GALNTL6: variants seen among roughly 807,000 people sequenced by gnomAD.
The protein encoded by GALNTL6 is polypeptide N-acetylgalactosaminyltransferase-like 6.
Under a neutral mutation model 73.7 loss-of-function variants are expected in GALNTL6, and 46 were observed. The ratio of observed to expected loss-of-function variants is 0.62; its 90% CI spans 0.49 to 0.80. The LOEUF (loss-of-function observed/expected upper bound fraction) is 0.80. Ranked by LOEUF, GALNTL6 falls within the 30% of genes least tolerant of loss-of-function variation. The pLI is 0.00. For missense variants in GALNTL6, 604 were observed against 755.0 expected, an observed-to-expected ratio of 0.80 and a Z score of 2.34; for synonymous variants, 259 against 263.7, an observed-to-expected ratio of 0.98 and a Z score of 0.17.
intron 5 of GALNTL6, among the ~76,000 whole-genome samples, chr4:172,801,389 T>A (rs941905659): frequency 6.6e-6 from 1 of 152,220 alleles, no homozygotes; most frequent in Non-Finnish European, 1.5e-5. Flanking sequence ...CTTTTAACTA[T>A]AGCTCTCTCT....
At chr4:172,636,586 A>T (rs1000949847) in intron 5 of GALNTL6, among the ~76,000 whole-genome samples, 2 of 152,178 alleles carry the variant, frequency 1.3e-5, no homozygotes, top group African/African-American at 4.8e-5. Context: ...GACAAGAAAC[A>T]CAGGCAGCCT....
At chr4:172,680,374 A>G (rs1358818220) in intron 5 of GALNTL6, among the ~76,000 whole-genome samples, 1 of 152,052 alleles carries the variant, frequency 6.6e-6, no homozygotes, top group Non-Finnish European at 1.5e-5. Flanking sequence ...AGGAATAATA[A>G]TAATGGAAAA....
chr4:171,930,115 T>C (rs1578982083), intron 2 of GALNTL6, among the ~76,000 whole-genome samples: 1 of 152,302 alleles, frequency 6.6e-6, no homozygotes, highest in East Asian at 1.9e-4. Flanking sequence ...TACCACCACA[T>C]ACCTGCACCC....
chr4:171,990,608 AC>A (rs767690653), intron 2 of GALNTL6, among the ~76,000 whole-genome samples: 6 of 152,346 alleles, frequency 3.9e-5, no homozygotes, highest in Middle Eastern at 3.4e-3. Context: ...TAATAAAAAA[AC>A]ATTTTTAAAG....
chr4:172,266,554 C>T lies in GALNTL6; in HGVS notation c.247+36790C>T, dbSNP rs141715913. 4.0e-3 allele frequency among the ~76,000 whole-genome samples: 607 copies of T among 152,134 alleles called. 3 individuals carry two copies. Among genetic ancestry groups the T allele is most frequent in the African/African-American group, 0.014 (574 of 41,532 alleles). On this transcript the variant is annotated intron_variant, in intron 3 of 12. Transcript: ENST00000506823. ...TAACTTATGTAAAATAACTATAAAA[C>T]ATTGTAGCTATAAAACATTTATTAA...
intron 5 of GALNTL6, among the ~76,000 whole-genome samples, chr4:172,468,199 C>G (rs1470189388): frequency 6.6e-6 from 1 of 152,118 alleles, no homozygotes; most frequent in African/African-American, 2.4e-5. Flanking sequence ...GCCTACATTT[C>G]CCAATACTGT....
chr4:172,747,374 A>G (rs1737169414), intron 5 of GALNTL6, among the ~76,000 whole-genome samples: 1 of 152,046 alleles, frequency 6.6e-6, no homozygotes, highest in East Asian at 1.9e-4. Flanking sequence ...GACAGTTCCC[A>G]AAAGAAGACA....
intron 2 of GALNTL6, among the ~76,000 whole-genome samples, chr4:172,038,734 C>A (rs1429720050): frequency 6.6e-6 from 1 of 152,086 alleles, no homozygotes; most frequent in Non-Finnish European, 1.5e-5. Flanking sequence ...CCTTGTCTCC[C>A]AGTTATGAAT....
intron 10 of GALNTL6, among the ~76,000 whole-genome samples, chr4:172,981,614 T>A (rs1751065044): frequency 6.6e-6 from 1 of 152,196 alleles, no homozygotes; most frequent in African/African-American, 2.4e-5. Flanking sequence ...ATAGTAAGCT[T>A]AGAAATCATG....
intron 2 of GALNTL6, among the ~76,000 whole-genome samples, chr4:172,202,870 G>T (rs1402991065): frequency 2.0e-5 from 3 of 151,952 alleles, no homozygotes; most frequent in Non-Finnish European, 4.4e-5. Flanking sequence ...ATTTAAATAA[G>T]GCTAATTGAA....
intron 5 of GALNTL6, among the ~76,000 whole-genome samples, chr4:172,546,488 A>T (rs1253775299): frequency 4.7e-5 from 2 of 42,792 alleles, no homozygotes; most frequent in Non-Finnish European, 9.4e-5. Flanking sequence ...AAATAAATAC[A>T]CAAGTTTAAA....
chr4:172,950,331 C>T (rs770878643), intron 9 of GALNTL6, among the ~76,000 whole-genome samples: 46 of 152,328 alleles, frequency 3.0e-4, no homozygotes, highest in South Asian at 8.3e-4. Flanking sequence ...GAACAATTCT[C>T]ACAGTCTCAA....
At chr4:172,955,642 A>C (rs1364220224) in intron 10 of GALNTL6, among the ~76,000 whole-genome samples, 1 of 152,096 alleles carries the variant, frequency 6.6e-6, no homozygotes, top group East Asian at 1.9e-4. Flanking sequence ...TTCTAATGTT[A>C]ACATTTTATA....
intron 3 of GALNTL6, among the ~76,000 whole-genome samples, chr4:172,279,223 T>C (rs1385758472): frequency 6.6e-6 from 1 of 152,074 alleles, no homozygotes; most frequent in East Asian, 1.9e-4. Context: ...TAAATTGGAC[T>C]ACATCAAAAT....
At chr4:171,950,451 G>A (rs1300282199) in intron 2 of GALNTL6, among the ~76,000 whole-genome samples, 1 of 151,058 alleles carries the variant, frequency 6.6e-6, no homozygotes, top group Middle Eastern at 3.2e-3. Context: ...GACACAGATA[G>A]GTGGGTGAGC....
chr4:172,162,416 C>T (rs1734499449), intron 2 of GALNTL6, among the ~76,000 whole-genome samples: 1 of 151,902 alleles, frequency 6.6e-6, no homozygotes, highest in Non-Finnish European at 1.5e-5. Flanking sequence ...GAGGATATTA[C>T]AGTATCATTG....
At position 172,240,867 on chromosome 4, in the gene GALNTL6, G is replaced by T. The variant is rs76969290; in HGVS notation, c.247+11103G>T. Among the ~76,000 whole-genome samples the T allele has an allele frequency of 3.9e-3, 589 of 152,216 alleles. 4 individuals carry two copies. Among genetic ancestry groups the T allele is most frequent in the African/African-American group, 0.013 (521 of 41,540 alleles). The stretch of plus-strand genomic sequence containing the variant: ...TCATTTCAGCTGGTTAAGAATCCTT[G>T]CTGGGAAACTTACTGTGGTCATTTG... On this transcript the variant is annotated intron_variant, in intron 3 of 12. Coordinates refer to ENST00000506823, the MANE Select transcript of GALNTL6 (RefSeq NM_001034845.3).
chr4:172,077,496 T>C (rs1731736468), intron 2 of GALNTL6, among the ~76,000 whole-genome samples: 1 of 152,080 alleles, frequency 6.6e-6, no homozygotes, highest in African/African-American at 2.4e-5. Context: ...CTAGAGATCT[T>C]TGGAAATTTG....
chr4:172,478,120 C>T (rs1733305373), intron 5 of GALNTL6, among the ~76,000 whole-genome samples: 1 of 152,010 alleles, frequency 6.6e-6, no homozygotes, highest in African/African-American at 2.4e-5. Flanking sequence ...CAATGCAATT[C>T]CTGTCAAATT....
Sources: gnomAD v4.1 joint callset for allele counts (sites outside exome capture counted in the v4.1 genomes callset) on GRCh38, gnomAD v4.1.1 for gene constraint, MANE v1.5 for transcripts, NCBI Gene and HGNC (gene_info 2026-07-23, HGNC 2026-07-21) for gene names.